The following GRM8 variants were observed in gnomAD, a reference collection of about 807,000 sequenced individuals.
GRM8 encodes the protein metabotropic glutamate receptor 8.
Under a neutral mutation model 87.2 loss-of-function variants are expected in GRM8, and 47 were observed. That is an observed-to-expected ratio of 0.54 (90% CI 0.43 to 0.69). The LOEUF is 0.69. GRM8 is among the 30% of genes least tolerant of loss of function. The pLI is 0.00. For synonymous variants in GRM8, 396 were observed against 404.5 expected (o/e 0.98, Z 0.25); for missense variants, 1,019 against 1,139.2 (o/e 0.89, Z 1.52).
chr7:126,995,482 A>G (rs1450948587), intron 3 of GRM8, among the ~76,000 whole-genome samples: 1 of 152,228 alleles, frequency 6.6e-6, no homozygotes, highest in East Asian at 1.9e-4. Flanking sequence ...AGAATTCAGA[A>G]TTCTATCAGA....
At chr7:127,095,989 A>G (rs554384605) in intron 3 of GRM8, among the ~76,000 whole-genome samples, 3 of 152,356 alleles carry the variant, frequency 2.0e-5, no homozygotes, top group African/African-American at 7.2e-5. Context: ...AAAGGAAGCA[A>G]GCAGATTTGG....
chr7:126,832,447 A>C (rs1443621233), intron 6 of GRM8, among the ~76,000 whole-genome samples: 2 of 152,196 alleles, frequency 1.3e-5, no homozygotes, highest in Non-Finnish European at 2.9e-5. Flanking sequence ...CTCACTCTCT[A>C]TTCAGATGAA....
chr7:126,604,640 G>A (rs1357412128), intron 8 of GRM8, among the ~76,000 whole-genome samples: 1 of 71,294 alleles, frequency 1.4e-5, no homozygotes, highest in Non-Finnish European at 3.9e-5. Context: ...GCCCAAGGCT[G>A]GCTATACAGC....
Position 126,532,999 on chromosome 7 carries a change from A to C in GRM8, c.2383T>G (p.Leu795Val). The change falls in exon 9 of 11, where the codon TTA becomes GTA. Residue 795 changes from leucine (L) to valine (V), a missense_variant. Physicochemically the swap from Leu to Val is conservative, Grantham distance 32. Coordinates refer to ENST00000339582, the MANE Select transcript of GRM8 (RefSeq NM_000845.3). The part of the protein sequence containing the change: ...FTMYTTCIIW[L>V]AFIPIFFGTA... ...CCAAAAAAGATGGGGATGAAAGCTA[A>C]CCAAATGATGCAGGTGGTATACATG... 1 of 1,613,470 alleles carries C rather than the reference A, an allele frequency of 6.2e-7. No homozygotes were observed. The highest frequency in any genetic ancestry group is 1.7e-4 in the Middle Eastern group (1 of 6,060).
At chr7:127,182,952 T>A (rs1454801712) in intron 2 of GRM8, among the ~76,000 whole-genome samples, 1 of 151,946 alleles carries the variant, frequency 6.6e-6, no homozygotes, top group African/African-American at 2.4e-5. Context: ...CAGTGTATAC[T>A]GCTCGGGTGA....
At chr7:127,067,584 T>C (rs140095630) in intron 3 of GRM8, among the ~76,000 whole-genome samples, 201 of 152,360 alleles carry the variant, frequency 1.3e-3, no homozygotes, top group African/African-American at 4.7e-3. Flanking sequence ...TGAGACTGCC[T>C]ATAATAGATA....
chr7:126,977,594 T>C (rs533707030), intron 3 of GRM8, among the ~76,000 whole-genome samples: 4 of 152,328 alleles, frequency 2.6e-5, no homozygotes, highest in African/African-American at 9.6e-5. Context: ...AGAAGGTCTT[T>C]TAACTTAATC....
chr7:127,214,024 A>G (rs141363527), intron 2 of GRM8, among the ~76,000 whole-genome samples: 139 of 152,374 alleles, frequency 9.1e-4, no homozygotes, highest in African/African-American at 3.1e-3. Flanking sequence ...AAGTATAACT[A>G]TATGGAAAAA....
At chr7:127,135,186 T>G (rs1028454969) in intron 2 of GRM8, among the ~76,000 whole-genome samples, 1 of 152,262 alleles carries the variant, frequency 6.6e-6, no homozygotes, top group African/African-American at 2.4e-5. Context: ...TAAATTCATA[T>G]GATGAAAACA....
intron 8 of GRM8, among the ~76,000 whole-genome samples, chr7:126,589,706 C>T (rs544754866): frequency 2.6e-5 from 4 of 152,208 alleles, no homozygotes; most frequent in African/African-American, 9.6e-5. Context: ...AATACAACTA[C>T]GGGCCCTCAC....
At chr7:127,227,117 G>A (rs569327825) in intron 2 of GRM8, among the ~76,000 whole-genome samples, 55 of 152,324 alleles carry the variant, frequency 3.6e-4, no homozygotes, top group African/African-American at 1.1e-3. Flanking sequence ...GAAAGGAATC[G>A]CAAGGGTTAA....
At chr7:127,150,673 A>G (rs925921933) in intron 2 of GRM8, among the ~76,000 whole-genome samples, 1 of 152,046 alleles carries the variant, frequency 6.6e-6, no homozygotes, top group African/African-American at 2.4e-5. Flanking sequence ...ACACCACTTA[A>G]AGTGATGGCA....
chr7:127,110,972 C>T (rs182252954), intron 2 of GRM8: 1 of 152,322 alleles, frequency 6.6e-6, no homozygotes, highest in Admixed American at 6.5e-5. Flanking sequence ...AAAGGAAGCC[C>T]ACCCTCTTCT....
At chr7:127,188,851 G>A (rs891883930) in intron 2 of GRM8, among the ~76,000 whole-genome samples, 3 of 152,164 alleles carry the variant, frequency 2.0e-5, no homozygotes, top group African/African-American at 7.2e-5. Flanking sequence ...GGGCTGAGTT[G>A]ACAACAATTC....
At chr7:126,662,717 AG>A (rs1253672502) in intron 7 of GRM8, among the ~76,000 whole-genome samples, 1 of 152,204 alleles carries the variant, frequency 6.6e-6, no homozygotes, top group Non-Finnish European at 1.5e-5. Context: ...ATAGACAGCA[AG>A]AAAAATATTC....
intron 3 of GRM8, among the ~76,000 whole-genome samples, chr7:127,097,547 T>A (rs1383897161): frequency 6.6e-6 from 1 of 152,182 alleles, no homozygotes. Context: ...CCAGGCAACA[T>A]ACCTACCATC....
intron 9 of GRM8, among the ~76,000 whole-genome samples, chr7:126,463,265 T>G (rs568619794): frequency 9.2e-5 from 14 of 151,696 alleles, no homozygotes; most frequent in African/African-American, 3.4e-4. Context: ...TACCTCAGAC[T>G]ACTATGTGAG....
At chr7:126,865,704 T>A (rs1758654933) in intron 6 of GRM8, among the ~76,000 whole-genome samples, 1 of 152,246 alleles carries the variant, frequency 6.6e-6, no homozygotes, top group Non-Finnish European at 1.5e-5. Flanking sequence ...TGTGACTTGT[T>A]TGCTTTCACT....
intron 6 of GRM8, among the ~76,000 whole-genome samples, chr7:126,871,823 A>G (rs896119819): frequency 2.0e-5 from 3 of 152,204 alleles, no homozygotes; most frequent in Admixed American, 2.0e-4. Context: ...ATCCATCTCT[A>G]AGAATTATAG....
Sources: gnomAD v4.1 joint callset for allele counts (sites outside exome capture counted in the v4.1 genomes callset) on GRCh38, gnomAD v4.1.1 for gene constraint, MANE v1.5 for transcripts, NCBI Gene and HGNC (gene_info 2026-07-23, HGNC 2026-07-21) for gene names.